The following ARHGAP15 variants were observed in gnomAD, a reference collection of about 807,000 sequenced individuals.
The protein encoded by ARHGAP15 is rho GTPase-activating protein 15.
ARHGAP15 carries 51 observed loss-of-function variants against 63.7 expected under a neutral mutation model. The ratio of observed to expected loss-of-function variants is 0.80; its 90% CI spans 0.64 to 1.01. The LOEUF (loss-of-function observed/expected upper bound fraction) is 1.01. Among genes scored for constraint, ARHGAP15 ranks in the 50% least tolerant of loss-of-function variants. The pLI, the probability that ARHGAP15 is intolerant of heterozygous loss-of-function variation, is 0.00. For synonymous variants in ARHGAP15, 191 were observed against 193.8 expected, an observed-to-expected ratio of 0.99 and a Z score of 0.12; for missense variants, 560 against 564.6, an observed-to-expected ratio of 0.99 and a Z score of 0.08.
intron 6 of ARHGAP15, among the ~76,000 whole-genome samples, chr2:143,429,278 A>T (rs1400120907): frequency 6.6e-6 from 1 of 151,672 alleles, no homozygotes. Flanking sequence ...TTTGTTAATA[A>T]ACAGAAAGTT....
At chr2:143,700,631 G>A (rs1002241260) in intron 12 of ARHGAP15, among the ~76,000 whole-genome samples, 1 of 151,986 alleles carries the variant, frequency 6.6e-6, no homozygotes, top group African/African-American at 2.4e-5. Flanking sequence ...AACTGTACTG[G>A]AATCATGCCA....
At chr2:143,600,070 CAT>C (rs759236884) in intron 11 of ARHGAP15, among the ~76,000 whole-genome samples, 1 of 152,102 alleles carries the variant, frequency 6.6e-6, no homozygotes, top group Non-Finnish European at 1.5e-5. Flanking sequence ...GTGAATTTGG[CAT>C]AGAGTCATGG....
chr2:143,739,251 C>T (rs1476861459), intron 13 of ARHGAP15, among the ~76,000 whole-genome samples: 2 of 152,112 alleles, frequency 1.3e-5, no homozygotes, highest in African/African-American at 4.8e-5. Context: ...ATAGCAAAAA[C>T]AACAAGAGGG....
chr2:143,625,075 T>G (rs1451280681), intron 12 of ARHGAP15, among the ~76,000 whole-genome samples: 2 of 152,176 alleles, frequency 1.3e-5, no homozygotes, highest in East Asian at 3.9e-4. Context: ...TTACTGTAAC[T>G]GTGACAGCTT....
Position 143,268,185 on chromosome 2 carries a change from T to C in ARHGAP15, c.474+17585T>C, listed in dbSNP as rs561935887. ...ATTTTATAGAGTGTAGTTTTTTTTT[T>C]TTTTCCACTTTGAAGAGATTGGTGT... On this transcript the variant is annotated intron_variant, in intron 6 of 13. Coordinates refer to ENST00000295095, the MANE Select transcript of ARHGAP15 (RefSeq NM_018460.4). Among the ~76,000 whole-genome samples, 24 of 152,130 alleles carry C rather than the reference T, an allele frequency of 1.6e-4. No homozygotes were observed. The South Asian group carries it at 5.0e-3, about 32-fold the overall frequency.
intron 12 of ARHGAP15, among the ~76,000 whole-genome samples, chr2:143,653,756 T>C (rs909271265): frequency 2.0e-5 from 3 of 152,188 alleles, no homozygotes; most frequent in African/African-American, 7.2e-5. Context: ...TGTGTTTGTA[T>C]AGTCTGGGAT....
chr2:143,294,708 A>T (rs1357945077), intron 6 of ARHGAP15, among the ~76,000 whole-genome samples: 4 of 152,074 alleles, frequency 2.6e-5, no homozygotes, highest in Non-Finnish European at 4.4e-5. Flanking sequence ...ATCATCTGCC[A>T]AAGGCACTCC....
intron 9 of ARHGAP15, among the ~76,000 whole-genome samples, chr2:143,491,455 T>A (rs1692577584): frequency 6.6e-6 from 1 of 152,224 alleles, no homozygotes; most frequent in Admixed American, 6.5e-5. Flanking sequence ...TAGAAATGTT[T>A]AGTGTTTAGA....
chr2:143,374,097 T>C (rs1686700398), intron 6 of ARHGAP15, among the ~76,000 whole-genome samples: 1 of 152,200 alleles, frequency 6.6e-6, no homozygotes, highest in South Asian at 2.1e-4. Context: ...TTTGTACTTT[T>C]GTTATTTCTC....
At chr2:143,726,663 G>A (rs1373218284) in intron 13 of ARHGAP15, among the ~76,000 whole-genome samples, 7 of 152,162 alleles carry the variant, frequency 4.6e-5, no homozygotes, top group Admixed American at 1.3e-4. Context: ...TCCCTGTGAC[G>A]GCTAGAACAG....
intron 8 of ARHGAP15, among the ~76,000 whole-genome samples, chr2:143,451,681 T>C (rs1161185992): frequency 6.6e-6 from 1 of 152,004 alleles, no homozygotes; most frequent in African/African-American, 2.4e-5. Flanking sequence ...TTTCTCTAGA[T>C]AATATATTTG....
intron 10 of ARHGAP15, among the ~76,000 whole-genome samples, chr2:143,530,241 T>TTTG (rs368611530): frequency 2.0e-4 from 31 of 152,148 alleles, no homozygotes; most frequent in African/African-American, 5.1e-4. Flanking sequence ...TTTTGTTTGT[T>TTTG]TTGTTGTTGT....
intron 13 of ARHGAP15, among the ~76,000 whole-genome samples, chr2:143,743,984 C>T (rs1686064596): frequency 6.6e-6 from 1 of 151,980 alleles, no homozygotes; most frequent in African/African-American, 2.4e-5. Context: ...TCAAATTATC[C>T]AGATCATTTC....
At chr2:143,656,934 G>GGGGTGTGT (rs1484394918) in intron 12 of ARHGAP15, among the ~76,000 whole-genome samples, 2 of 144,936 alleles carry the variant, frequency 1.4e-5, no homozygotes, top group Non-Finnish European at 1.5e-5. Context: ...CAAAGTTTCT[G>GGGGTGTGT]GTGTGTGTGT....
chr2:143,566,222 T>C (rs1035868308), intron 11 of ARHGAP15, among the ~76,000 whole-genome samples: 5 of 152,170 alleles, frequency 3.3e-5, no homozygotes, highest in East Asian at 1.9e-4. Flanking sequence ...TATGCCCTTA[T>C]GTGTATGGAC....
Position 143,327,482 on chromosome 2 carries a change from C to T in ARHGAP15, c.474+76882C>T, listed in dbSNP as rs555357606. Among the ~76,000 whole-genome samples, 187 of 152,276 alleles carry T rather than the reference C, an allele frequency of 1.2e-3. 3 individuals carry two copies. Among genetic ancestry groups the T allele is most frequent in the African/African-American group, 4.3e-3 (178 of 41,560 alleles). On this transcript the variant is annotated intron_variant, in intron 6 of 13. Transcript: ENST00000295095. Reference sequence around the variant, plus strand: ...GAATAAAGCCGGAGGCATCACACTACCTGACTTCAAACTATACTACAAGGC... The same window carrying T: ...GAATAAAGCCGGAGGCATCACACTATCTGACTTCAAACTATACTACAAGGC...
At chr2:143,643,101 A>C (rs540941430) in intron 12 of ARHGAP15, among the ~76,000 whole-genome samples, 3 of 152,270 alleles carry the variant, frequency 2.0e-5, no homozygotes, top group East Asian at 3.9e-4. Context: ...TTTATGCTGC[A>C]GGCAGGGAAA....
intron 6 of ARHGAP15, among the ~76,000 whole-genome samples, chr2:143,325,713 A>G (rs1219066362): frequency 1.3e-5 from 2 of 152,180 alleles, no homozygotes; most frequent in African/African-American, 4.8e-5. Context: ...TGTATACTTC[A>G]GAAAAAATCA....
rs1559159599 is a variant in ARHGAP15 at position 143,749,645 on chromosome 2, C to T, written c.1245-18344C>T. On this transcript the variant is annotated intron_variant, in intron 13 of 13. Coordinates refer to ENST00000295095, the MANE Select transcript of ARHGAP15 (RefSeq NM_018460.4). Reference sequence around the variant, plus strand: ...AGAGTTTCACCCCTTACTAAAAGCACACAAATCATATGATTTAGTGCTAAT... The same window carrying T: ...AGAGTTTCACCCCTTACTAAAAGCATACAAATCATATGATTTAGTGCTAAT... Among the ~76,000 whole-genome samples the T allele has an allele frequency of 2.6e-5, 4 of 152,312 alleles. No individual in the cohort carries two copies. In the Middle Eastern group the frequency reaches 0.01, roughly 389 times the overall value.
Sources: allele counts gnomAD v4.1 joint callset (sites outside exome capture counted in the v4.1 genomes callset), GRCh38; gene constraint gnomAD v4.1.1; transcripts MANE v1.5; gene names NCBI Gene and HGNC (gene_info 2026-07-23, HGNC 2026-07-21).